RELN: variants seen among roughly 807,000 people sequenced by gnomAD.
RELN encodes reelin.
RELN carries 108 observed loss-of-function variants against 427.6 expected under a neutral mutation model. The observed-to-expected ratio is 0.25, with a 90% CI of 0.22 to 0.30. The LOEUF (loss-of-function observed/expected upper bound fraction) is 0.30, where lower values mean the gene tolerates loss of function less well. Ranked by LOEUF, RELN falls within the 10% of genes least tolerant of loss-of-function variation. RELN has a pLI of 1.00. For synonymous variants in RELN, 1,524 were observed against 1,513.4 expected (o/e 1.01, Z -0.16); for missense variants, 3,715 against 4,302.8 (o/e 0.86, Z 3.82).
In RELN at chr7:103,569,499, A is replaced by G. The variant is rs1332000731; in HGVS notation, c.4588+2685T>C. 6.6e-6 allele frequency among the ~76,000 whole-genome samples: 1 copy of G among 152,210 alleles called. No individual in the cohort carries two copies. The highest frequency in any genetic ancestry group is 1.9e-4 in the East Asian group (1 of 5,198). ...ATTTGTTATGTAGCATACCACTCCA[A>G]TCCTACTAAATCTAAATTTGCATTT... is the stretch of plus-strand genomic sequence containing the variant. On this transcript the variant is annotated intron_variant, in intron 31 of 64. Coordinates refer to ENST00000428762, the MANE Select transcript of RELN (RefSeq NM_005045.4). The surrounding 1 kb of genome is among the most constrained non-coding windows in gnomAD (Gnocchi z 4.0).
At chr7:103,766,940 G>T (rs1791438595) in intron 4 of RELN, among the ~76,000 whole-genome samples, 1 of 152,210 alleles carries the variant, frequency 6.6e-6, no homozygotes, top group Admixed American at 6.5e-5. Flanking sequence ...TTCCAGGGTG[G>T]TTTATAAATG....
chr7:103,536,168 A>G (rs1830046254), intron 45 of RELN, among the ~76,000 whole-genome samples: 2 of 152,178 alleles, frequency 1.3e-5, no homozygotes, highest in South Asian at 4.1e-4. Flanking sequence ...TAGAATATAT[A>G]TAAAATATGG....
At chr7:103,575,250 A>G (rs891044071) in intron 29 of RELN, among the ~76,000 whole-genome samples, 7 of 152,246 alleles carry the variant, frequency 4.6e-5, no homozygotes, top group Non-Finnish European at 7.3e-5. Flanking sequence ...TGAAATAAAA[A>G]GAACCTCAAT....
At chr7:103,650,176 C>A in intron 16 of RELN, 98 bp downstream of exon 16, 1 of 812,320 alleles carries the variant, frequency 1.2e-6, no homozygotes, top group Non-Finnish European at 2.2e-6. Flanking sequence ...AATTGCAAGA[C>A]CATGACTTAG....
intron 3 of RELN, among the ~76,000 whole-genome samples, chr7:103,779,358 AAAG>A (rs1791828302): frequency 6.6e-6 from 1 of 152,204 alleles, no homozygotes; most frequent in Admixed American, 6.5e-5. Flanking sequence ...CTGCTTGGGA[AAAG>A]AAGTAGTAGT....
rs113322243 is a variant in RELN, at chr7:103,583,704, G to A, written c.4145+5892C>T. ...CAGAGAACTCACAGGAAACACCTGA[G>A]GCACAAAAGGAGAAGGAAACAAGTA... On this transcript the variant is annotated intron_variant, in intron 28 of 64. Coordinates refer to ENST00000428762, the MANE Select transcript of RELN (RefSeq NM_005045.4). Among the ~76,000 whole-genome samples, 42 of 152,312 alleles carry A rather than the reference G, an allele frequency of 2.8e-4. No individual in the cohort carries two copies. In the South Asian group the frequency reaches 8.3e-3, roughly 30 times the overall value.
At chr7:103,575,796 A>G in intron 28 of RELN, 91 bp from the exon 29 acceptor site, 1 of 1,397,990 alleles carries the variant, frequency 7.2e-7, no homozygotes, top group South Asian at 1.2e-5. Context: ...CTCAACAGAG[A>G]CTTAATATTT....
At chr7:103,679,509 A>G (rs1420101211) in intron 11 of RELN, among the ~76,000 whole-genome samples, 1 of 152,194 alleles carries the variant, frequency 6.6e-6, no homozygotes, top group Non-Finnish European at 1.5e-5. Flanking sequence ...CACAGCCTGG[A>G]AGTACCAGCT....
chr7:103,935,316 G>A (rs186381263), intron 1 of RELN, among the ~76,000 whole-genome samples: 10 of 152,184 alleles, frequency 6.6e-5, no homozygotes, highest in Non-Finnish European at 7.4e-5. Context: ...TCTCACTAAC[G>A]TCACTAATGA....
intron 2 of RELN, among the ~76,000 whole-genome samples, chr7:103,846,303 C>T (rs1228770462): frequency 1.3e-5 from 2 of 152,190 alleles, no homozygotes; most frequent in African/African-American, 4.8e-5. Context: ...TGATCTTTGA[C>T]AAACCTGACA....
chr7:103,667,162 C>T (rs1312328787), intron 11 of RELN, among the ~76,000 whole-genome samples: 1 of 152,198 alleles, frequency 6.6e-6, no homozygotes, highest in Non-Finnish European at 1.5e-5. Context: ...ATTGCATGAG[C>T]TCAGCCAGCC....
chr7:103,706,505 A>G (rs969464054), intron 8 of RELN, among the ~76,000 whole-genome samples: 2 of 152,198 alleles, frequency 1.3e-5, no homozygotes, highest in African/African-American at 4.8e-5. Context: ...AAACTAAGGT[A>G]AAGAAGTTAA....
intron 2 of RELN, among the ~76,000 whole-genome samples, chr7:103,877,047 G>C (rs1584323602): frequency 6.6e-6 from 1 of 151,874 alleles, no homozygotes; most frequent in Non-Finnish European, 1.5e-5. Flanking sequence ...ATTCCCCTAT[G>C]CCCTCACCCA....
chr7:103,948,565 C>A (rs1021197371), intron 1 of RELN, among the ~76,000 whole-genome samples: 11 of 151,978 alleles, frequency 7.2e-5, no homozygotes, highest in Admixed American at 5.9e-4. Context: ...CCCAGCTACT[C>A]GGGAGGCTGA....
intron 2 of RELN, among the ~76,000 whole-genome samples, chr7:103,876,535 CTT>C (rs1323788432): frequency 6.6e-6 from 1 of 152,068 alleles, no homozygotes; most frequent in Middle Eastern, 3.2e-3. Flanking sequence ...TTTTATTGCT[CTT>C]GTTTCTTCTA....
intron 16 of RELN, among the ~76,000 whole-genome samples, chr7:103,647,756 G>A (rs577817408): frequency 3.3e-5 from 5 of 152,008 alleles, no homozygotes; most frequent in Middle Eastern, 3.4e-3. Flanking sequence ...GCAATCCTAA[G>A]CAAAAAGAAC....
chr7:103,863,819 A>ATTT (rs202089383), intron 2 of RELN, among the ~76,000 whole-genome samples: 53 of 147,974 alleles, frequency 3.6e-4, no homozygotes, highest in South Asian at 1.9e-3. Flanking sequence ...TTTGCAATCA[A>ATTT]TTTTTTTTTT....
intron 48 of RELN, among the ~76,000 whole-genome samples, chr7:103,521,208 T>C (rs943655886): frequency 4.6e-5 from 7 of 150,958 alleles, no homozygotes; most frequent in Non-Finnish European, 1.0e-4. Flanking sequence ...CTCGATCTCC[T>C]GACCTCATGA....
At chr7:103,898,418 T>C (rs901593341) in intron 2 of RELN, among the ~76,000 whole-genome samples, 8 of 152,054 alleles carry the variant, frequency 5.3e-5, no homozygotes, top group Non-Finnish European at 8.8e-5. Context: ...AACAATGATA[T>C]ACAAACTGTT....
Sources: allele counts gnomAD v4.1 joint callset (sites outside exome capture counted in the v4.1 genomes callset), GRCh38; gene constraint gnomAD v4.1.1; non-coding constraint Gnocchi (gnomAD v3.1); transcripts MANE v1.5; gene names NCBI Gene and HGNC (gene_info 2026-07-23, HGNC 2026-07-21).